Variants in MTSS1 observed in about 807,000 individuals in gnomAD.
The protein encoded by MTSS1 is MTSS I-BAR domain containing 1, also known as protein MTSS 1.
A neutral mutation model predicts 79.0 loss-of-function variants in MTSS1; 18 were observed. That is an observed-to-expected ratio of 0.23 (90% CI 0.16 to 0.34). The LOEUF is 0.34. MTSS1 is among the 10% of genes least tolerant of loss of function. The probability of loss-of-function intolerance (pLI) is 1.00; values close to 1 mark genes in which losing one functional copy is unlikely to be tolerated. For missense variants in MTSS1, 815 were observed against 986.2 expected (o/e 0.83, Z 2.33); for synonymous variants, 341 against 368.6 (o/e 0.93, Z 0.86).
intron 3 of MTSS1, among the ~76,000 whole-genome samples, chr8:124,671,102 T>C (rs1276320893): frequency 1.3e-5 from 2 of 151,788 alleles, no homozygotes; most frequent in African/African-American, 4.8e-5. Context: ...CTCATTGGGG[T>C]AGATTGCTCC....
chr8:124,583,303 T>G (rs1325903350), intron 6 of MTSS1, among the ~76,000 whole-genome samples: 2 of 152,180 alleles, frequency 1.3e-5, no homozygotes, highest in Non-Finnish European at 2.9e-5. Context: ...CAGATGCCTC[T>G]CTTCATGTTA....
chr8:124,704,826 G>A (rs1028633348), intron 1 of MTSS1, among the ~76,000 whole-genome samples: 2 of 152,078 alleles, frequency 1.3e-5, no homozygotes, highest in African/African-American at 4.8e-5. Context: ...TAACCTCTGG[G>A]AGCCCTCAGT....
At chr8:124,726,325 A>C (rs944841117) in intron 1 of MTSS1, among the ~76,000 whole-genome samples, 3 of 151,660 alleles carry the variant, frequency 2.0e-5, no homozygotes, top group Non-Finnish European at 4.4e-5. Flanking sequence ...AAGAGAAAAA[A>C]CTCCAGATGT....
chr8:124,562,839 G>C lies in MTSS1; in HGVS notation c.978C>G (p.Ser326=). Reference sequence around the variant, plus strand: ...GTGACTTGGACTGGAAGGCATCCTGGGATATGAATCCTGAGTCATGGGAGG... The same window carrying C: ...GTGACTTGGACTGGAAGGCATCCTGCGATATGAATCCTGAGTCATGGGAGG... ...SVSSHDSGFI[S]QDAFQSKSPS... is the part of the protein sequence containing the mutation. Residue 326 remains serine, a synonymous_variant, in exon 10 of 14, where the codon TCC becomes TCG. Transcript: ENST00000518547. 6.2e-7 allele frequency: 1 copy of C among 1,614,132 alleles called. No individual in the cohort carries two copies. Among genetic ancestry groups the C allele is most frequent in the Non-Finnish European group, 8.5e-7 (1 of 1,180,026 alleles).
intron 3 of MTSS1, among the ~76,000 whole-genome samples, chr8:124,613,505 T>A (rs1284051167): frequency 2.0e-5 from 3 of 152,252 alleles, no homozygotes; most frequent in Admixed American, 2.0e-4. Context: ...CTCAACTCAT[T>A]GCAAAATGTA....
intron 3 of MTSS1, among the ~76,000 whole-genome samples, chr8:124,595,840 C>T (rs34782812): frequency 9.8e-5 from 15 of 152,326 alleles, no homozygotes; most frequent in Admixed American, 9.1e-4. Flanking sequence ...CCCATTCGCC[C>T]TCACATGATC....
intron 10 of MTSS1, among the ~76,000 whole-genome samples, chr8:124,559,348 T>A (rs1489859675): frequency 1.3e-5 from 2 of 151,874 alleles, no homozygotes; most frequent in Admixed American, 1.3e-4. Context: ...CTTCCTGGAG[T>A]CTCCTTTCAT....
intron 3 of MTSS1, among the ~76,000 whole-genome samples, chr8:124,625,479 G>A (rs1389579326): frequency 2.6e-5 from 4 of 152,192 alleles, no homozygotes; most frequent in African/African-American, 4.8e-5. Context: ...CCTAAGGATC[G>A]CAAATGCTGA....
intron 3 of MTSS1, among the ~76,000 whole-genome samples, chr8:124,611,391 G>A (rs1432424919): frequency 6.6e-6 from 1 of 152,108 alleles, no homozygotes; most frequent in Non-Finnish European, 1.5e-5. Flanking sequence ...GGAGCGGCGT[G>A]ACCTGTGGAG....
intron 3 of MTSS1, among the ~76,000 whole-genome samples, chr8:124,692,380 A>C (rs1828089741): frequency 2.6e-5 from 2 of 76,442 alleles, no homozygotes; most frequent in Admixed American, 1.3e-4. Context: ...TTTAAAAAGA[A>C]AAAAAAAAAG....
At position 124,582,713 on chromosome 8, in the gene MTSS1, G is replaced by A. The variant is rs1404701239; in HGVS notation, c.460+2374C>T. Among the ~76,000 whole-genome samples, 1 of 152,196 alleles carries A rather than the reference G, an allele frequency of 6.6e-6. No individual in the cohort carries two copies. The highest frequency in any genetic ancestry group is 1.5e-5 in the Non-Finnish European group (1 of 68,036). On this transcript the variant is annotated intron_variant, in intron 6 of 13. Coordinates refer to ENST00000518547, the MANE Select transcript of MTSS1 (RefSeq NM_014751.6). This position sits in a 1 kb window ranked among gnomAD's most constrained non-coding sequence, Gnocchi z 4.8. ...ACACTTTTACAAACCGAGGGTCCGG[G>A]AATCTGCCACTTGAAGGAGATGAAA... is the stretch of plus-strand genomic sequence containing the variant.
intron 8 of MTSS1, 134 bp from the exon 9 acceptor site, chr8:124,565,893 A>AT (rs1222777857): frequency 2.2e-5 from 12 of 546,790 alleles, no homozygotes; most frequent in South Asian, 5.2e-5. Flanking sequence ...TGTTAAAAAA[A>AT]TTTTTTTTAA....
intron 3 of MTSS1, among the ~76,000 whole-genome samples, chr8:124,682,870 A>G (rs1477321496): frequency 6.6e-6 from 1 of 152,234 alleles, no homozygotes; most frequent in African/African-American, 2.4e-5. Context: ...AAAGAAAACC[A>G]GGGCTTTTCT....
chr8:124,588,454 G>C (rs1037604814), intron 5 of MTSS1, among the ~76,000 whole-genome samples: 1 of 152,168 alleles, frequency 6.6e-6, no homozygotes, highest in African/African-American at 2.4e-5. Context: ...TGTGTGAAGG[G>C]AACACAAACA....
intron 4 of MTSS1, among the ~76,000 whole-genome samples, chr8:124,589,919 C>T (rs887385801): frequency 2.6e-5 from 4 of 152,142 alleles, no homozygotes; most frequent in Non-Finnish European, 2.9e-5. Context: ...TGCAGTGGCG[C>T]GATCTCGGCT....
At chr8:124,672,957 C>T (rs11775638) in intron 3 of MTSS1, among the ~76,000 whole-genome samples, 1 of 150,486 alleles carries the variant, frequency 6.6e-6, no homozygotes, top group Non-Finnish European at 1.5e-5. Context: ...GAAATGAGAC[C>T]TCTCATTTAT....
chr8:124,552,785 T>C lies in MTSS1; in HGVS notation c.*207A>G, dbSNP rs1250731444. ...ATTAAAATGTGCAGAAAGAAAATTG[T>C]CAATATTTACAAATTAAAAGATCAA... is the stretch of plus-strand genomic sequence containing the variant. On this transcript the variant is annotated 3_prime_UTR_variant, in exon 14 of 14. Transcript: ENST00000518547. 4 of 492,852 alleles carry C rather than the reference T, an allele frequency of 8.1e-6. No individual in the cohort carries two copies. In the Admixed American group the frequency reaches 1.5e-4, roughly 18 times the overall value. 30.5% of individuals were successfully genotyped at this position (492,852 alleles called of 1,614,324 possible). A position where few individuals can be genotyped will look rare whatever the true frequency, so the allele number is the denominator to read the frequency against.
chr8:124,669,131 A>C (rs1176572313), intron 3 of MTSS1, among the ~76,000 whole-genome samples: 2 of 152,202 alleles, frequency 1.3e-5, no homozygotes, highest in Non-Finnish European at 2.9e-5. Context: ...TACCACCTAC[A>C]CACACCAAAA....
chr8:124,556,803 C>T (rs1399563515), intron 11 of MTSS1, among the ~76,000 whole-genome samples: 3 of 152,246 alleles, frequency 2.0e-5, no homozygotes, highest in African/African-American at 4.8e-5. Flanking sequence ...GGAATGGCCA[C>T]CAGCGAGCAC....
Sources: allele counts gnomAD v4.1 joint callset (sites outside exome capture counted in the v4.1 genomes callset), GRCh38; gene constraint gnomAD v4.1.1; non-coding constraint Gnocchi (gnomAD v3.1); transcripts MANE v1.5; gene names NCBI Gene and HGNC (gene_info 2026-07-23, HGNC 2026-07-21).